BOC: variants seen among roughly 807,000 people sequenced by gnomAD.
BOC encodes BOC cell adhesion associated, oncogene regulated.
In BOC, 76 loss-of-function variants were observed where a neutral mutation model predicts 112.0. The observed-to-expected ratio is 0.68, with a 90% CI of 0.56 to 0.82. BOC has a LOEUF of 0.82. Among genes scored for constraint, BOC ranks in the 40% least tolerant of loss-of-function variants. The pLI is 0.00. For synonymous variants in BOC, 580 were observed against 599.8 expected, an observed-to-expected ratio of 0.97 and a Z score of 0.48; for missense variants, 1,309 against 1,511.7, an observed-to-expected ratio of 0.87 and a Z score of 2.22.
At position 113,274,327 on chromosome 3, in the gene BOC, G is replaced by T. The variant is rs746656420; in HGVS notation, c.1235-48G>T. ...CTCCCCAGGAACAACAGCTCAGCAG[G>T]TAAACCAGGAGACTAACCTTTCCTT... On this transcript the variant is annotated intron_variant, in intron 8 of 19. Transcript: ENST00000682979. This position sits in a 1 kb window ranked among gnomAD's most constrained non-coding sequence, Gnocchi z 4.8. 1.4e-5 allele frequency: 21 copies of T among 1,468,390 alleles called. No homozygotes were observed. In the Admixed American group the frequency reaches 4.6e-4, roughly 32 times the overall value. The allele number at this position is 1,468,390 out of a possible 1,614,324, so 91.0% of individuals were successfully genotyped here. A position where few individuals can be genotyped will look rare whatever the true frequency, so the allele number is the denominator to read the frequency against.
At chr3:113,268,614 T>A (rs1947779765) in intron 5 of BOC, among the ~76,000 whole-genome samples, 169 bp downstream of exon 5, 1 of 152,170 alleles carries the variant, frequency 6.6e-6, no homozygotes, top group Non-Finnish European at 1.5e-5. Context: ...CTCCCCTTTT[T>A]TTCCTTTTAA....
intron 15 of BOC, 41 bp downstream of exon 15, chr3:113,281,194 A>G (rs1949166373): frequency 1.2e-6 from 2 of 1,607,548 alleles, no homozygotes; most frequent in Non-Finnish European, 1.7e-6. Flanking sequence ...TGGTGTTTCC[A>G]GCGAGGGAAG....
intron 2 of BOC, among the ~76,000 whole-genome samples, chr3:113,238,127 G>A (rs1164964955): frequency 1.3e-5 from 2 of 152,190 alleles, no homozygotes; most frequent in Admixed American, 1.3e-4. Flanking sequence ...GGTGACATTT[G>A]AGGTAAGATT....
intron 2 of BOC, among the ~76,000 whole-genome samples, chr3:113,235,318 A>G (rs1204220841): frequency 1.3e-5 from 2 of 152,226 alleles, no homozygotes; most frequent in African/African-American, 2.4e-5. Context: ...GTAATTAGAA[A>G]GAGGGATGGA....
intron 2 of BOC, among the ~76,000 whole-genome samples, chr3:113,247,359 G>A (rs144204959): frequency 6.6e-6 from 1 of 152,240 alleles, no homozygotes; most frequent in Non-Finnish European, 1.5e-5. Flanking sequence ...GAGAATTAAA[G>A]CAAGTATCTG....
chr3:113,257,768 A>G (rs1946390758), intron 4 of BOC, among the ~76,000 whole-genome samples: 2 of 152,162 alleles, frequency 1.3e-5, no homozygotes, highest in Non-Finnish European at 2.9e-5. Context: ...CTTACAACTT[A>G]ATGCATTCTA....
At chr3:113,241,579 A>G (rs897036117) in intron 2 of BOC, among the ~76,000 whole-genome samples, 2 of 152,234 alleles carry the variant, frequency 1.3e-5, no homozygotes, top group African/African-American at 4.8e-5. Context: ...AAAGGAAGAA[A>G]GAAAGAAAAA....
chr3:113,283,683 T>G, intron 16 of BOC, 51 bp downstream of exon 16: 1 of 1,547,064 alleles, frequency 6.5e-7, no homozygotes. Context: ...AAATGGGGGC[T>G]CCACTAAGGA....
In BOC at chr3:113,279,819, A is replaced by G. The variant is rs537864195; in HGVS notation, c.2024-5A>G. On this transcript the variant is annotated splice_region_variant and splice_polypyrimidine_tract_variant and intron_variant, in intron 12 of 19. Transcript: ENST00000682979. ...CCTGAGTTCAGTGAGTGTCCCTCTCACCAGGCACCTCCTACAAGTTTCGAG... is the reference window on the plus strand; with the variant it reads ...CCTGAGTTCAGTGAGTGTCCCTCTCGCCAGGCACCTCCTACAAGTTTCGAG... The G allele has an allele frequency of 1.4e-5, 23 of 1,600,890 alleles. No homozygotes were observed. In the East Asian group the frequency reaches 4.9e-4, roughly 34 times the overall value.
intron 2 of BOC, among the ~76,000 whole-genome samples, chr3:113,221,967 A>G (rs1035529019): frequency 3.3e-5 from 5 of 151,946 alleles, no homozygotes; most frequent in African/African-American, 7.3e-5. Context: ...GTGTGCTTGC[A>G]TTTGCCCACT....
At chr3:113,285,273 G>C in intron 18 of BOC, 99 bp from the exon 19 acceptor site, 1 of 1,225,400 alleles carries the variant, frequency 8.2e-7, no homozygotes, top group Non-Finnish European at 1.2e-6. Context: ...GCTCTCACCA[G>C]CTCTGATGCC....
At position 113,273,277 on chromosome 3, in the gene BOC, G is replaced by A; in HGVS notation, c.1170G>A (p.Gln390=). Residue 390 remains glutamine (Q), a synonymous_variant, in exon 8 of 20, where the codon CAG becomes CAA. Coordinates refer to ENST00000682979, the MANE Select transcript of BOC (RefSeq NM_001378074.1). ...GGCCTGAGGACGAAGGCGTCTACCA[G>A]TGCATGGCCGAGAACGAGGTTGGGA... ...SMGPEDEGVY[Q]CMAENEVGSA... 6.2e-7 allele frequency: 1 copy of A among 1,609,218 alleles called. No homozygotes were observed. Among genetic ancestry groups the A allele is most frequent in the Non-Finnish European group, 8.5e-7 (1 of 1,176,718 alleles).
chr3:113,272,069 CAGAA>C (rs1458188342), intron 6 of BOC: 1 of 332,264 alleles, frequency 3.0e-6, no homozygotes, highest in Non-Finnish European at 5.6e-6. Flanking sequence ...TGAGTGCAAG[CAGAA>C]AGAAATATCT....
intron 4 of BOC, among the ~76,000 whole-genome samples, chr3:113,265,338 G>T (rs1348067016): frequency 6.6e-6 from 1 of 151,956 alleles, no homozygotes; most frequent in Non-Finnish European, 1.5e-5. Context: ...TCCTTGGAAT[G>T]AGGTGAAGAA....
intron 2 of BOC, among the ~76,000 whole-genome samples, chr3:113,232,562 AGT>A (rs10696107): frequency 0.075 from 11,238 of 149,204 alleles, 491 homozygotes; most frequent in African/African-American, 0.091. Context: ...TTGCTGTGCG[AGT>A]GTGTGTGTGT....
At chr3:113,262,143 GA>G (rs1162361583) in intron 4 of BOC, among the ~76,000 whole-genome samples, 2 of 152,116 alleles carry the variant, frequency 1.3e-5, no homozygotes, top group Non-Finnish European at 1.5e-5. Flanking sequence ...TGGACAGGCA[GA>G]AAAAAATCCC....
At chr3:113,256,219 G>T (rs538963345) in intron 4 of BOC, among the ~76,000 whole-genome samples, 80 of 152,294 alleles carry the variant, frequency 5.3e-4, no homozygotes, top group African/African-American at 1.9e-3. Context: ...TTCTGGGAGT[G>T]ACCCTTAGGA....
rs1948928668 is a variant in BOC at position 113,278,974 on chromosome 3, AC to A, written c.1816+192del. Reference sequence around the variant, plus strand: ...GCTGGCATTGATGCTGGGATTGCTCACTGGGTGCATCCAGAGAGCAGCAGAG... The same window carrying A: ...GCTGGCATTGATGCTGGGATTGCTCATGGGTGCATCCAGAGAGCAGCAGAG... On this transcript the variant is annotated intron_variant, in intron 11 of 19. Transcript: ENST00000682979. This position sits in a 1 kb window ranked among gnomAD's most constrained non-coding sequence, Gnocchi z 4.2. The A allele has an allele frequency of 1.5e-6, 1 of 646,578 alleles. No individual in the cohort carries two copies. 40.1% of individuals were successfully genotyped at this position (646,578 alleles called of 1,614,324 possible).
In BOC at chr3:113,250,631, G is replaced by T; in HGVS notation, c.174G>T (p.Val58=). The T allele has an allele frequency of 6.2e-7, 1 of 1,614,222 alleles. No individual in the cohort carries two copies. The highest frequency in any genetic ancestry group is 8.5e-7 in the Non-Finnish European group (1 of 1,180,040). Residue 58 remains valine, a synonymous_variant, in exon 4 of 20, where the codon GTG becomes GTT. Transcript: ENST00000682979. ...KPGGTVILGC[V]VEPPRMNVTW... ...GAGGCACTGTGATCTTGGGCTGCGTGGTGGAACCTCCAAGGATGAATGTAA... is the reference window on the plus strand; with the variant it reads ...GAGGCACTGTGATCTTGGGCTGCGTTGTGGAACCTCCAAGGATGAATGTAA...
Sources: gnomAD v4.1 joint callset for allele counts (sites outside exome capture counted in the v4.1 genomes callset) on GRCh38, gnomAD v4.1.1 for gene constraint, Gnocchi (gnomAD v3.1) non-coding constraint, MANE v1.5 for transcripts, NCBI Gene and HGNC (gene_info 2026-07-23, HGNC 2026-07-21) for gene names.